Variants in MBOAT1 observed in about 807,000 individuals in gnomAD.
MBOAT1 encodes membrane bound glycerophospholipid O-acyltransferase 1.
Under a neutral mutation model 64.4 loss-of-function variants are expected in MBOAT1, and 67 were observed. The observed-to-expected ratio is 1.04, with a 90% CI of 0.85 to 1.27. The LOEUF is 1.27. Ranked by LOEUF, MBOAT1 falls within the 50% of genes most tolerant of loss-of-function variation. The pLI, the probability that MBOAT1 is intolerant of heterozygous loss-of-function variation, is 0.00. For missense variants in MBOAT1, 563 were observed against 604.6 expected (o/e 0.93, Z 0.72); for synonymous variants, 229 against 218.9 (o/e 1.05, Z -0.41).
chr6:20,151,259 G>A lies in MBOAT1; in HGVS notation c.249C>T (p.Tyr83=), dbSNP rs775149905. The change falls in exon 3 of 13, where the codon TAC becomes TAT. Residue 83 remains tyrosine, a synonymous_variant. Coordinates refer to ENST00000324607, the MANE Select transcript of MBOAT1 (RefSeq NM_001080480.3). ...ACACCAGCACAAAAAGATGCACAGA[G>A]TACCTTTAAGACATAATAGTAGGGG... ...IYFVIFCFGW[Y]SVHLFVLVLM... 4 of 1,609,264 alleles carry A rather than the reference G, an allele frequency of 2.5e-6. No homozygotes were observed. The highest frequency in any genetic ancestry group is 2.2e-5 in the South Asian group (2 of 90,972).
intron 1 of MBOAT1, among the ~76,000 whole-genome samples, chr6:20,201,785 T>A (rs1052674244): frequency 8.5e-5 from 13 of 152,094 alleles, no homozygotes; most frequent in Non-Finnish European, 4.4e-5. Context: ...TTTCACCATG[T>A]TGGCCAAGCT....
chr6:20,119,375 T>C (rs1760426681), intron 8 of MBOAT1, among the ~76,000 whole-genome samples: 1 of 152,212 alleles, frequency 6.6e-6, no homozygotes, highest in Admixed American at 6.5e-5. Flanking sequence ...AGAGGCTAAT[T>C]GTCTCTTTCT....
chr6:20,193,517 GGGCAGAGAAAAATAC>G (rs1000776691), intron 1 of MBOAT1, among the ~76,000 whole-genome samples: 5 of 151,972 alleles, frequency 3.3e-5, no homozygotes, highest in African/African-American at 9.7e-5. Context: ...TTGATGTTAT[GGGCAGAGAAAAATAC>G]TTCTCTTATT....
intron 1 of MBOAT1, 34 bp from the exon 2 acceptor site, chr6:20,152,803 T>A (rs2113696347): frequency 1.9e-6 from 3 of 1,580,054 alleles, no homozygotes; most frequent in Middle Eastern, 1.7e-4. Context: ...AAAACCTTTG[T>A]GTGAATTTCG....
Position 20,212,300 on chromosome 6 carries a change from G to A in MBOAT1, c.-66C>T, listed in dbSNP as rs1763463251. 2.7e-5 allele frequency: 40 copies of A among 1,471,208 alleles called. No individual in the cohort carries two copies. The South Asian group carries it at 4.4e-4, about 16-fold the overall frequency. 91.1% of individuals were successfully genotyped at this position (1,471,208 alleles called of 1,614,324 possible). A position where few individuals can be genotyped will look rare whatever the true frequency, so the allele number is the denominator to read the frequency against. ...AACACCCCCTGCTCGGCGTCCTCCC[G>A]CCCGGGTGCTCTTGGGTGGTTGCCC... On this transcript the variant is annotated 5_prime_UTR_variant, in exon 1 of 13. Coordinates refer to ENST00000324607, the MANE Select transcript of MBOAT1 (RefSeq NM_001080480.3).
rs768567155 is a variant in MBOAT1 at position 20,126,573 on chromosome 6, G to T, written c.658C>A (p.Leu220Met). 6.8e-6 allele frequency: 11 copies of T among 1,613,532 alleles called. No homozygotes were observed. The highest frequency in any genetic ancestry group is 8.5e-6 in the Non-Finnish European group (10 of 1,179,896). The change falls in exon 7 of 13, where the codon CTG becomes ATG. Residue 220 changes from leucine (L) to methionine (M), a missense_variant. Transcript: ENST00000324607. ...IEGKHIHMKL[L>M]EVNWKRKGFH... Reference sequence around the variant, plus strand: ...CCTTTTCGCTTCCAGTTCACCTCCAGCAACTTCATGTGTATATGCTTCCCC... The same window carrying T: ...CCTTTTCGCTTCCAGTTCACCTCCATCAACTTCATGTGTATATGCTTCCCC...
At chr6:20,132,188 T>A (rs1380915999) in intron 4 of MBOAT1, among the ~76,000 whole-genome samples, 1 of 152,180 alleles carries the variant, frequency 6.6e-6, no homozygotes, top group Non-Finnish European at 1.5e-5. Context: ...CCTAAGAATC[T>A]GCATTTTAAC....
intron 8 of MBOAT1, among the ~76,000 whole-genome samples, chr6:20,123,522 A>C (rs1282071981): frequency 9.2e-5 from 14 of 152,192 alleles, no homozygotes; most frequent in Non-Finnish European, 2.1e-4. Flanking sequence ...GAAAGGAAAG[A>C]GATAAAAGCT....
chr6:20,180,490 C>T (rs918995318), intron 1 of MBOAT1, among the ~76,000 whole-genome samples: 1 of 152,144 alleles, frequency 6.6e-6, no homozygotes, highest in South Asian at 2.1e-4. Context: ...GACTCTTGGG[C>T]CCCTCGGACA....
intron 1 of MBOAT1, among the ~76,000 whole-genome samples, chr6:20,193,138 T>C (rs1332170151): frequency 6.6e-6 from 1 of 151,292 alleles, no homozygotes; most frequent in Admixed American, 6.6e-5. Context: ...CCAGAGTAGC[T>C]GGGACTACAG....
At chr6:20,121,325 T>C (rs373107254) in intron 8 of MBOAT1, among the ~76,000 whole-genome samples, 1 of 152,240 alleles carries the variant, frequency 6.6e-6, no homozygotes, top group African/African-American at 2.4e-5. Context: ...TGCTTCTTTA[T>C]TCGTAAATAA....
chr6:20,168,502 A>AGAGGAGAGGAGAGGAGAGGAGAGGAGAG (rs1561773038), intron 1 of MBOAT1, among the ~76,000 whole-genome samples: 1 of 92,838 alleles, frequency 1.1e-5, no homozygotes. Context: ...AGAGAGAGAG[A>AGAGGAGAGGAGAGGAGAGGAGAGGAGAG]GAGAGGAGAG....
intron 1 of MBOAT1, among the ~76,000 whole-genome samples, chr6:20,209,907 A>C (rs1175107549): frequency 6.6e-6 from 1 of 152,184 alleles, no homozygotes; most frequent in Non-Finnish European, 1.5e-5. Context: ...CTGATTCTTC[A>C]TGACCTCCAG....
intron 6 of MBOAT1, among the ~76,000 whole-genome samples, chr6:20,127,517 A>T (rs530748219): frequency 1.1e-4 from 17 of 152,120 alleles, no homozygotes; most frequent in Non-Finnish European, 2.4e-4. Context: ...CATCACTTAC[A>T]TTACCGCCTG....
chr6:20,195,797 G>A lies in MBOAT1; in HGVS notation c.99+16339C>T, dbSNP rs530330954. ...AGAAGATTCCTCAGATGCCAGAAAT[G>A]CAAGAAAAAGCAAAAATCAGAGAGA... On this transcript the variant is annotated intron_variant, in intron 1 of 12. Coordinates refer to ENST00000324607, the MANE Select transcript of MBOAT1 (RefSeq NM_001080480.3). 2.6e-5 allele frequency among the ~76,000 whole-genome samples: 4 copies of A among 152,268 alleles called. No individual in the cohort carries two copies. In the East Asian group the frequency reaches 7.7e-4, roughly 29 times the overall value.
intron 1 of MBOAT1, among the ~76,000 whole-genome samples, chr6:20,164,173 G>GCA (rs1295946710): frequency 1.6e-4 from 12 of 75,772 alleles, no homozygotes; most frequent in Non-Finnish European, 2.9e-4. Flanking sequence ...GTATGTGCAT[G>GCA]TACACACACA....
intron 2 of MBOAT1, among the ~76,000 whole-genome samples, chr6:20,152,346 T>TAAATAAAC (rs1554118895): frequency 1.6e-4 from 9 of 56,336 alleles, no homozygotes; most frequent in African/African-American, 3.9e-4. Flanking sequence ...AAATAAAAAA[T>TAAATAAAC]AAATAAATAA....
At chr6:20,122,618 A>AT (rs1236367682) in intron 8 of MBOAT1, among the ~76,000 whole-genome samples, 1 of 152,128 alleles carries the variant, frequency 6.6e-6, no homozygotes, top group Non-Finnish European at 1.5e-5. Flanking sequence ...ATGCAGGAAC[A>AT]TTTTGGCCCT....
rs569246215 is a variant in MBOAT1, at chr6:20,207,571, T to TA, written c.99+4564dup. ...AAATGCATTTTACATTTTAAAGGGT[T>TA]AAAAAAAATCTAAGGAAGAACATTT... On this transcript the variant is annotated intron_variant, in intron 1 of 12. Coordinates refer to ENST00000324607, the MANE Select transcript of MBOAT1 (RefSeq NM_001080480.3). Among the ~76,000 whole-genome samples the TA allele has an allele frequency of 6.3e-3, 955 of 152,158 alleles. 7 individuals carry two copies. Among genetic ancestry groups the TA allele is most frequent in the Non-Finnish European group, 0.011 (759 of 68,006 alleles).
Sources: gnomAD v4.1 joint callset for allele counts (sites outside exome capture counted in the v4.1 genomes callset) on GRCh38, gnomAD v4.1.1 for gene constraint, MANE v1.5 for transcripts, NCBI Gene and HGNC (gene_info 2026-07-23, HGNC 2026-07-21) for gene names.